TTC3: variants seen among roughly 807,000 people sequenced by gnomAD.
TTC3 encodes tetratricopeptide repeat domain 3.
A neutral mutation model predicts 249.6 loss-of-function variants in TTC3; 180 were observed. The observed-to-expected ratio is 0.72, with a 90% CI of 0.64 to 0.82. TTC3 has a LOEUF of 0.82. Ranked by LOEUF, TTC3 falls within the 40% of genes least tolerant of loss-of-function variation. The pLI, the probability that TTC3 is intolerant of heterozygous loss-of-function variation, is 0.00. For missense variants in TTC3, 2,061 were observed against 2,398.4 expected, an observed-to-expected ratio of 0.86 and a Z score of 2.94; for synonymous variants, 717 against 805.0, an observed-to-expected ratio of 0.89 and a Z score of 1.85.
At chr21:37,165,680 C>A in exon 33 of TTC3, 1 of 1,613,936 alleles carries the variant, frequency 6.2e-7, no homozygotes, top group Non-Finnish European at 8.5e-7. Flanking sequence ...AAAACCTTTT[C>A]TCTTGGGATG....
chr21:37,151,936 A>G, exon 26 of TTC3: 1 of 1,606,446 alleles, frequency 6.2e-7, no homozygotes, highest in Non-Finnish European at 8.5e-7. Flanking sequence ...ATTGAAGAGA[A>G]AGATCCAAAA....
intron 9 of TTC3, among the ~76,000 whole-genome samples, chr21:37,095,852 T>G (rs370082645): frequency 1.3e-5 from 2 of 152,362 alleles, no homozygotes; most frequent in East Asian, 1.9e-4. Flanking sequence ...TACAGGATAA[T>G]TGAGAGAATG....
chr21:37,127,288 GA>G (rs2077110975), intron 15 of TTC3, among the ~76,000 whole-genome samples: 1 of 152,072 alleles, frequency 6.6e-6, no homozygotes, highest in Admixed American at 6.6e-5. Flanking sequence ...TCTTGTCGGG[GA>G]CACAGATATC....
At position 37,166,104 on chromosome 21, in the gene TTC3, A is replaced by G. The variant is rs2081230592; in HGVS notation, c.3890A>G (p.Lys1297Arg). The change falls in exon 33 of 46, where the codon AAA becomes AGA. Residue 1297 changes from lysine to arginine, a missense_variant. By Grantham distance (26) the Lys-to-Arg change is conservative. Around this residue, in one of 3 missense-constraint regions of TTC3, gnomAD observed 1,040 missense variants for 1,186.1 expected, o/e 0.88. Transcript: ENST00000355666. ...AAGCGAGTCTCCTGTAATTCCCCCA[A>G]ACCGGTTCTTGAGGATGTGAAACCA... The G allele has an allele frequency of 2.5e-6, 4 of 1,614,140 alleles. No individual in the cohort carries two copies. The East Asian group carries it at 8.9e-5, about 36-fold the overall frequency.
At chr21:37,142,566 A>G (rs1238685985) in intron 20 of TTC3, among the ~76,000 whole-genome samples, 2 of 152,212 alleles carry the variant, frequency 1.3e-5, no homozygotes, top group Admixed American at 6.5e-5. Flanking sequence ...TTCAGGGAGA[A>G]CTACAAACCA....
At position 37,192,104 on chromosome 21, in the gene TTC3, A is replaced by G; in HGVS notation, c.5116-8A>G. 1 of 1,568,184 alleles carries G rather than the reference A, an allele frequency of 6.4e-7. No homozygotes were observed. The highest frequency in any genetic ancestry group is 1.2e-5 in the South Asian group (1 of 86,210). The stretch of plus-strand genomic sequence containing the variant: ...GTGGTTTTCCCACACTTTACTTTCT[A>G]CTCACAGTCTCAGTTTGAAGAACAA... On this transcript the variant is annotated splice_polypyrimidine_tract_variant and splice_region_variant and intron_variant, in intron 40 of 45. Transcript: ENST00000355666.
At chr21:37,200,558 C>T (rs1242422649) in intron 45 of TTC3, among the ~76,000 whole-genome samples, 2 of 152,144 alleles carry the variant, frequency 1.3e-5, no homozygotes, top group Non-Finnish European at 2.9e-5. Context: ...AACAGCAGCT[C>T]CAGCCACTCG....
intron 15 of TTC3, among the ~76,000 whole-genome samples, chr21:37,128,640 A>G (rs1223209120): frequency 2.0e-5 from 3 of 152,204 alleles, no homozygotes; most frequent in East Asian, 3.8e-4. Flanking sequence ...TATGTCAATA[A>G]CAACACAGTA....
intron 18 of TTC3, 117 bp downstream of exon 18, chr21:37,135,631 C>A: frequency 3.3e-6 from 4 of 1,229,674 alleles, no homozygotes; most frequent in South Asian, 3.6e-5. Flanking sequence ...CTGAGATTGG[C>A]TGAATCTACT....
intron 45 of TTC3, among the ~76,000 whole-genome samples, chr21:37,200,955 G>C (rs779981109): frequency 5.9e-5 from 9 of 152,182 alleles, no homozygotes; most frequent in Non-Finnish European, 1.3e-4. Flanking sequence ...GTGCCTCCTT[G>C]GGTACAGGGT....
intron 30 of TTC3, among the ~76,000 whole-genome samples, chr21:37,161,081 T>A (rs971969704): frequency 2.1e-5 from 3 of 144,922 alleles, no homozygotes; most frequent in African/African-American, 5.2e-5. Context: ...TTGTCTTTTT[T>A]ATTTTTCTAG....
intron 1 of TTC3, among the ~76,000 whole-genome samples, chr21:37,075,052 A>G (rs1256134512): frequency 6.6e-6 from 1 of 151,948 alleles, no homozygotes; most frequent in Non-Finnish European, 1.5e-5. Context: ...GTTTGTGTAT[A>G]TCTTTACTTT....
At chr21:37,196,847 GTCC>G (rs1220569778) in intron 42 of TTC3, among the ~76,000 whole-genome samples, 1 of 152,214 alleles carries the variant, frequency 6.6e-6, no homozygotes, top group Non-Finnish European at 1.5e-5. Flanking sequence ...TTAACAAGGG[GTCC>G]TTGTGAATGT....
chr21:37,114,940 C>T (rs1301664185), intron 11 of TTC3, among the ~76,000 whole-genome samples: 2 of 151,874 alleles, frequency 1.3e-5, no homozygotes, highest in Non-Finnish European at 2.9e-5. Flanking sequence ...GGACAAAAAA[C>T]CAAACACCGC....
At position 37,151,991 on chromosome 21, in the gene TTC3, TAAGAG is replaced by T. The variant is rs780730634; in HGVS notation, c.2378_2382del (p.Arg793LysfsTer2). 6.3e-6 allele frequency: 10 copies of T among 1,599,296 alleles called. No individual in the cohort carries two copies. In the South Asian group the frequency reaches 9.1e-5, roughly 15 times the overall value. On this transcript the variant is annotated frameshift_variant, in exon 26 of 46. Coordinates refer to ENST00000355666, the Ensembl canonical transcript of TTC3. LOFTEE classifies it high-confidence loss of function. Reference sequence around the variant, plus strand: ...GCACAAGAAAGAATGGAGGAGGACTTAAGAGAAAGTAATCCACCCAAAAATGAAGA... The same window carrying T: ...GCACAAGAAAGAATGGAGGAGGACTTAAAGTAATCCACCCAAAAATGAAGA...
At chr21:37,159,669 T>C in intron 28 of TTC3, 30 bp from the exon 29 acceptor site, 1 of 1,608,938 alleles carries the variant, frequency 6.2e-7, no homozygotes, top group Non-Finnish European at 8.5e-7. Flanking sequence ...TATTTAGTTT[T>C]CTCACAAAAC....
intron 1 of TTC3, among the ~76,000 whole-genome samples, chr21:37,076,849 G>C (rs1035385835): frequency 4.0e-5 from 6 of 151,680 alleles, no homozygotes; most frequent in African/African-American, 1.5e-4. Flanking sequence ...TTACAGGCGC[G>C]CACCACCACA....
intron 35 of TTC3, among the ~76,000 whole-genome samples, chr21:37,180,527 G>A (rs1437445300): frequency 7.0e-6 from 1 of 143,164 alleles, no homozygotes; most frequent in Admixed American, 7.4e-5. Context: ...ACCAAACACT[G>A]CATATTCTCA....
chr21:37,085,492 A>G (rs2072333093), intron 1 of TTC3, among the ~76,000 whole-genome samples: 1 of 152,204 alleles, frequency 6.6e-6, no homozygotes, highest in East Asian at 1.9e-4. Flanking sequence ...GAGGATTCAG[A>G]TGGGTGAAAA....
Sources: gnomAD v4.1 joint callset for allele counts (sites outside exome capture counted in the v4.1 genomes callset) on GRCh38, gnomAD v4.1.1 for gene constraint, gnomAD v4.1.1 regional missense constraint, MANE v1.5 for transcripts, NCBI Gene and HGNC (gene_info 2026-07-23, HGNC 2026-07-21) for gene names.